Variants in UBE2L3 observed in about 807,000 individuals in gnomAD.
UBE2L3 encodes the protein ubiquitin-conjugating enzyme E2 L3.
A neutral mutation model predicts 17.8 loss-of-function variants in UBE2L3; 1 was observed. The ratio of observed to expected loss-of-function variants is 0.06; its 90% CI spans 0.02 to 0.27. The LOEUF (loss-of-function observed/expected upper bound fraction) is 0.27, where lower values mean the gene tolerates loss of function less well. Ranked by LOEUF, UBE2L3 falls within the 10% of genes least tolerant of loss-of-function variation. The pLI, the probability that UBE2L3 is intolerant of heterozygous loss-of-function variation, is 1.00. For synonymous variants in UBE2L3, 44 were observed against 68.5 expected (o/e 0.64, Z 1.76); for missense variants, 40 against 192.6 (o/e 0.21, Z 4.69).
chr22:21,560,122 A>C (rs1420106713), intron 1 of UBE2L3, among the ~76,000 whole-genome samples: 1 of 152,116 alleles, frequency 6.6e-6, no homozygotes, highest in Non-Finnish European at 1.5e-5. Context: ...TGCACTTTAC[A>C]AGCCTCATCG....
At chr22:21,608,409 CA>C (rs1358824496) in intron 2 of UBE2L3, among the ~76,000 whole-genome samples, 1 of 152,030 alleles carries the variant, frequency 6.6e-6, no homozygotes, top group Non-Finnish European at 1.5e-5. Flanking sequence ...GCCACCATGC[CA>C]GGCCAATATA....
intron 2 of UBE2L3, among the ~76,000 whole-genome samples, chr22:21,604,545 G>A (rs1319871081): frequency 6.6e-6 from 1 of 152,094 alleles, no homozygotes; most frequent in African/African-American, 2.4e-5. Context: ...ACATTGAAAT[G>A]TTGCAGCTTA....
intron 1 of UBE2L3, among the ~76,000 whole-genome samples, chr22:21,556,700 A>C (rs1224843191): frequency 1.3e-5 from 2 of 149,930 alleles, no homozygotes; most frequent in African/African-American, 5.0e-5. Flanking sequence ...GACCTCGAGC[A>C]ATCCACCTGC....
intron 1 of UBE2L3, 158 bp downstream of exon 1, chr22:21,567,929 G>C (rs931608272): frequency 6.8e-7 from 1 of 1,469,390 alleles, no homozygotes; most frequent in African/African-American, 1.4e-5. Flanking sequence ...AGGTGCTAAC[G>C]GGGCTGGCCT....
intron 2 of UBE2L3, among the ~76,000 whole-genome samples, chr22:21,595,234 T>A (rs1347609305): frequency 6.6e-6 from 1 of 152,238 alleles, no homozygotes; most frequent in African/African-American, 2.4e-5. Flanking sequence ...TTCTTCTCGG[T>A]CCTCTCCCTT....
chr22:21,605,276 G>A (rs906937388), intron 2 of UBE2L3, among the ~76,000 whole-genome samples: 17 of 152,104 alleles, frequency 1.1e-4, no homozygotes, highest in Admixed American at 3.3e-4. Flanking sequence ...TCACTGCAGC[G>A]GTGTGATCTT....
intron 1 of UBE2L3, among the ~76,000 whole-genome samples, chr22:21,556,752 A>G (rs1926244401): frequency 6.6e-6 from 1 of 151,700 alleles, no homozygotes; most frequent in African/African-American, 2.4e-5. Context: ...ATGAGCCACC[A>G]CACCTGGCCA....
chr22:21,593,164 C>G (rs1053511821), intron 2 of UBE2L3, among the ~76,000 whole-genome samples: 1 of 152,066 alleles, frequency 6.6e-6, no homozygotes, highest in Non-Finnish European at 1.5e-5. Context: ...TTGTCAAATT[C>G]AGGGAGTCCT....
Position 21,560,445 on chromosome 22 carries a change from TA to T in UBE2L3, c.201+10796del, listed in dbSNP as rs1436665977. ...TCTCCATTTCTCTTCCCTTTAGATC[TA>T]TTTTTTTTTTTTTTTTTTTTTTGAG... is the stretch of plus-strand genomic sequence containing the variant. On this transcript the variant is annotated intron_variant, in intron 1 of 3. Coordinates refer to the UBE2L3 transcript ENST00000458578. Among the ~76,000 whole-genome samples, 353 of 126,002 alleles carry T rather than the reference TA, an allele frequency of 2.8e-3. 2 individuals are homozygous for T. Among genetic ancestry groups the T allele is most frequent in the African/African-American group, 0.011 (326 of 30,442 alleles). The allele number at this position is 126,002 out of a possible 152,430, so 82.7% of individuals were successfully genotyped here. A position where few individuals can be genotyped will look rare whatever the true frequency, so the allele number is the denominator to read the frequency against.
At chr22:21,619,026 A>G (rs1929919309) in intron 3 of UBE2L3, among the ~76,000 whole-genome samples, 1 of 152,144 alleles carries the variant, frequency 6.6e-6, no homozygotes, top group African/African-American at 2.4e-5. Context: ...CTAAAATGCT[A>G]ATGCGGTAGT....
intron 3 of UBE2L3, among the ~76,000 whole-genome samples, chr22:21,613,744 C>A (rs1361139943): frequency 6.6e-6 from 1 of 152,210 alleles, no homozygotes; most frequent in Non-Finnish European, 1.5e-5. Flanking sequence ...GTCACTCATG[C>A]AGCTGTATTG....
At chr22:21,582,465 T>A (rs990372303) in intron 1 of UBE2L3, among the ~76,000 whole-genome samples, 1 of 151,342 alleles carries the variant, frequency 6.6e-6, no homozygotes, top group Admixed American at 6.6e-5. Flanking sequence ...GCTGTTCTCC[T>A]ACCTCAGCCT....
At chr22:21,592,794 C>T in intron 1 of UBE2L3, 67 bp from the exon 2 acceptor site, 2 of 1,269,990 alleles carry the variant, frequency 1.6e-6, no homozygotes, top group Non-Finnish European at 2.3e-6. Context: ...TTGAGGGCAT[C>T]AGGAGGGATC....
intron 2 of UBE2L3, among the ~76,000 whole-genome samples, chr22:21,606,870 C>T (rs542554091): frequency 6.6e-6 from 1 of 152,166 alleles, no homozygotes; most frequent in East Asian, 1.9e-4. Context: ...TTCAGCTGCT[C>T]GGTGGTGATT....
At chr22:21,582,626 A>G (rs1927707434) in intron 1 of UBE2L3, among the ~76,000 whole-genome samples, 1 of 151,964 alleles carries the variant, frequency 6.6e-6, no homozygotes, top group African/African-American at 2.4e-5. Context: ...CATGGGTTCA[A>G]GTAATTCTCC....
At chr22:21,603,848 G>C (rs1928998687) in intron 2 of UBE2L3, among the ~76,000 whole-genome samples, 3 of 144,388 alleles carry the variant, frequency 2.1e-5, no homozygotes, top group East Asian at 2.0e-4. Flanking sequence ...AAAAAAAAAA[G>C]ACAAGTGGAT....
At chr22:21,621,348 T>G (rs925113632) in intron 3 of UBE2L3, among the ~76,000 whole-genome samples, 167 bp from the exon 4 acceptor site, 9 of 152,188 alleles carry the variant, frequency 5.9e-5, no homozygotes, top group Non-Finnish European at 1.2e-4. Flanking sequence ...AAAGATGAGT[T>G]TTCTGGCAGT....
At chr22:21,558,503 C>T (rs529790045) in intron 1 of UBE2L3, among the ~76,000 whole-genome samples, 136 of 152,150 alleles carry the variant, frequency 8.9e-4, no homozygotes, top group Non-Finnish European at 1.4e-3. Context: ...TGGTGGCGGG[C>T]GCCTGTAGTC....
At chr22:21,595,016 C>T (rs1161102032) in intron 2 of UBE2L3, among the ~76,000 whole-genome samples, 2 of 152,196 alleles carry the variant, frequency 1.3e-5, no homozygotes, top group Non-Finnish European at 2.9e-5. Flanking sequence ...GCATGCTCTG[C>T]CCCAACTCAT....
Sources: allele counts gnomAD v4.1 joint callset (sites outside exome capture counted in the v4.1 genomes callset), GRCh38; gene constraint gnomAD v4.1.1; transcripts MANE v1.5; gene names NCBI Gene and HGNC (gene_info 2026-07-23, HGNC 2026-07-21).